PRSS36: variants seen among roughly 807,000 people sequenced by gnomAD.
PRSS36 encodes the protein polyserase-2.
PRSS36 carries 90 observed loss-of-function variants against 94.3 expected under a neutral mutation model. That is an observed-to-expected ratio of 0.95 (90% confidence interval 0.80 to 1.14). PRSS36 has a LOEUF of 1.14. Ranked by LOEUF, PRSS36 falls within the 50% of genes most tolerant of loss-of-function variation. The pLI, the probability that PRSS36 is intolerant of heterozygous loss-of-function variation, is 0.00. For synonymous variants in PRSS36, 500 were observed against 489.6 expected, an observed-to-expected ratio of 1.02 and a Z score of -0.28; for missense variants, 1,158 against 1,135.0, an observed-to-expected ratio of 1.02 and a Z score of -0.29.
rs200801095 is a variant in PRSS36 at position 31,140,435 on chromosome 16, T to C, written c.2168-20A>G. ...CAGGGACTGGGGAGAGGAGACAAAGTTGTTCCAGGGCTCTGGCCTCCAGCT... is the reference window on the plus strand; with the variant it reads ...CAGGGACTGGGGAGAGGAGACAAAGCTGTTCCAGGGCTCTGGCCTCCAGCT... On this transcript the variant is annotated intron_variant, in intron 13 of 14. Transcript: ENST00000268281. 1.2e-5 allele frequency: 20 copies of C among 1,611,294 alleles called. No individual in the cohort carries two copies. The highest frequency in any genetic ancestry group is 1.7e-5 in the Admixed American group (1 of 59,698).
rs758495456 is a variant in PRSS36 at position 31,140,358 on chromosome 16, T to C, written c.2225A>G (p.Gln742Arg). The C allele has an allele frequency of 6.2e-6, 10 of 1,614,070 alleles. No individual in the cohort carries two copies. The South Asian group carries it at 9.9e-5, about 16-fold the overall frequency. ...GAGGGTTCCAGGGGGCAGGATGCCC[T>C]GATAGAGGCAGTCACAGATTCGTTG... ...LTQRICDCLY[Q>R]GILPPGTLCV... The change falls in exon 14 of 15, where the codon CAG (glutamine) becomes CGG (arginine). Residue 742 changes from glutamine to arginine, a missense_variant. Coordinates refer to ENST00000268281, the MANE Select transcript of PRSS36 (RefSeq NM_173502.5).
rs2057868368 is a variant in PRSS36, at chr16:31,149,735, G to C, written c.38-4C>G. 6.2e-7 allele frequency: 1 copy of C among 1,614,044 alleles called. No homozygotes were observed. ...GCTCCTGGGATGGGACTGATGACTG[G>C]AAAGACAGAGGTAGGCAGGAAGAGG... On this transcript the variant is annotated splice_region_variant and splice_polypyrimidine_tract_variant and intron_variant, in intron 1 of 14. Coordinates refer to ENST00000268281, the MANE Select transcript of PRSS36 (RefSeq NM_173502.5).
intron 3 of PRSS36, 57 bp from the exon 4 acceptor site, chr16:31,149,292 C>T: frequency 6.6e-7 from 1 of 1,517,324 alleles, no homozygotes; most frequent in Non-Finnish European, 8.9e-7. Flanking sequence ...CTCCAGAAGC[C>T]CAGGTAACTC....
rs2057856451 is a variant in PRSS36, at chr16:31,149,175, G to T, written c.170C>A (p.Thr57Asn). The change falls in exon 4 of 15, where the codon ACC becomes AAC. Residue 57 changes from threonine (T) to asparagine (N), a missense_variant. Thr to Asn is a moderately conservative substitution (Grantham distance 65). Coordinates refer to ENST00000268281, the MANE Select transcript of PRSS36 (RefSeq NM_173502.5). ...IVGGSNAQPG[T>N]WPWQVSLHHG... is the part of the protein sequence containing the mutation. The stretch of plus-strand genomic sequence containing the variant: ...GTGCAGGCTCACTTGCCAAGGCCAG[G>T]TGCCCGGCTGCGCGTTTGAGCCCCC... The T allele has an allele frequency of 1.3e-6, 2 of 1,573,460 alleles. No homozygotes were observed. The highest frequency in any genetic ancestry group is 1.7e-6 in the Non-Finnish European group (2 of 1,160,434).
chr16:31,139,187 G>A lies in PRSS36; in HGVS notation c.2519C>T (p.Pro840Leu), dbSNP rs762110153. The A allele has an allele frequency of 1.1e-4, 184 of 1,604,866 alleles. 1 individual carries two copies. The Admixed American group carries it at 2.8e-3, about 24-fold the overall frequency. ...CAGGAGCAGGAAGTAGACTGCATGCGGGGATCCCGAGGCCTTGGCCAGTTC... is the reference window on the plus strand; with the variant it reads ...CAGGAGCAGGAAGTAGACTGCATGCAGGGATCCCGAGGCCTTGGCCAGTTC... ...PPELAKASGSPHAVYFLLLLT... is the reference protein window; with the variant it reads ...PPELAKASGSLHAVYFLLLLT... The change falls in exon 15 of 15, where the codon CCG (proline) becomes CTG (leucine). Residue 840 changes from proline to leucine, a missense_variant. By Grantham distance (98) the Pro-to-Leu change is moderately conservative. Transcript: ENST00000268281.
rs767872131 is a variant in PRSS36 at position 31,149,695 on chromosome 16, C to T, written c.73+1G>A. 6.2e-7 allele frequency: 1 copy of T among 1,614,196 alleles called. No homozygotes were observed. Among genetic ancestry groups the T allele is most frequent in the East Asian group, 2.2e-5 (1 of 44,888 alleles). ...ACTTTCCCCCAGTCCGGCTACCTTA[C>T]CTGAGTCCTGGAAGGCTCCTGGGAT... On this transcript the variant is annotated splice_donor_variant, in intron 2 of 14. Coordinates refer to ENST00000268281, the MANE Select transcript of PRSS36 (RefSeq NM_173502.5). LOFTEE classifies it high-confidence loss of function.
At chr16:31,146,428 T>C (rs1480830242) in intron 5 of PRSS36, among the ~76,000 whole-genome samples, 1 of 152,170 alleles carries the variant, frequency 6.6e-6, no homozygotes, top group African/African-American at 2.4e-5. Context: ...GTCTTGGCAT[T>C]CTAAACAACT....
At chr16:31,144,284 C>T (rs931633963) in intron 6 of PRSS36, among the ~76,000 whole-genome samples, 3 of 152,188 alleles carry the variant, frequency 2.0e-5, no homozygotes, top group African/African-American at 4.8e-5. Flanking sequence ...AAGTGATTCT[C>T]CTGCCTCAGC....
chr16:31,149,744 A>T lies in PRSS36; in HGVS notation c.38-13T>A, dbSNP rs1256705488. The T allele has an allele frequency of 6.2e-7, 1 of 1,614,060 alleles. No individual in the cohort carries two copies. Among genetic ancestry groups the T allele is most frequent in the Non-Finnish European group, 8.5e-7 (1 of 1,180,030 alleles). On this transcript the variant is annotated splice_polypyrimidine_tract_variant and intron_variant, in intron 1 of 14. Transcript: ENST00000268281. ...ATGGGACTGATGACTGGAAAGACAG[A>T]GGTAGGCAGGAAGAGGCTGGCGACT...
chr16:31,143,653 TG>T lies in PRSS36; in HGVS notation c.904del (p.Gln302SerfsTer39), dbSNP rs779927141. ...GSEPGPAFPT[Q>X]PQKTQSDPQE... ...GGGATCTGACTGGGTCTTCTGGGGC[TG>T]GGTGGGAAAGGCAGGCCCAGGCTCT... On this transcript the variant is annotated frameshift_variant, in exon 7 of 15. Transcript: ENST00000268281. LOFTEE classifies it high-confidence loss of function. 1 of 1,614,206 alleles carries T rather than the reference TG, an allele frequency of 6.2e-7. No individual in the cohort carries two copies. The highest frequency in any genetic ancestry group is 8.5e-7 in the Non-Finnish European group (1 of 1,180,040).
rs544876040 is a variant in PRSS36 at position 31,146,066 on chromosome 16, A to G, written c.554-111T>C. The G allele has an allele frequency of 4.5e-5, 43 of 964,762 alleles. No homozygotes were observed. In the African/African-American group the frequency reaches 5.2e-4, roughly 12 times the overall value. 59.8% of individuals were successfully genotyped at this position (964,762 alleles called of 1,614,324 possible). ...TTCTTGGACATCAGCTAGATGCCCC[A>G]TGGCCTCTCAGCCCACCACATTCAC... On this transcript the variant is annotated intron_variant, in intron 5 of 14. Transcript: ENST00000268281.
intron 6 of PRSS36, 66 bp from the exon 7 acceptor site, chr16:31,143,903 C>G: frequency 6.3e-7 from 1 of 1,591,146 alleles, no homozygotes; most frequent in Non-Finnish European, 8.5e-7. Context: ...TCCTGCACCT[C>G]CTTTTGGCCC....
At chr16:31,139,525 C>T in intron 14 of PRSS36, 109 bp from the exon 15 acceptor site, 1 of 1,316,378 alleles carries the variant, frequency 7.6e-7, no homozygotes, top group Non-Finnish European at 1.0e-6. Context: ...CCCTAGACAT[C>T]CAGGTCCCTG....
Position 31,142,842 on chromosome 16 carries a change from T to A in PRSS36, c.1252A>T (p.Thr418Ser), listed in dbSNP as rs1285642509. 2 of 1,555,432 alleles carry A rather than the reference T, an allele frequency of 1.3e-6. No individual in the cohort carries two copies. Among genetic ancestry groups the A allele is most frequent in the South Asian group, 2.4e-5 (2 of 84,064 alleles). Residue 418 changes from threonine (T) to serine (S), a missense_variant, in exon 9 of 15, where the codon ACG (threonine) becomes TCG (serine). Physicochemically the swap from Thr to Ser is moderately conservative, Grantham distance 58 (BLOSUM62 1). Transcript: ENST00000268281. ...ASDLALLQLR[T>S]PVNLSAASRP... is the part of the protein sequence containing the mutation. ...GAAGCCGCGCTCAGGTTCACGGGCG[T>A]GCGCAGCTGCAGCAGCGCCAGGTCC...
chr16:31,141,668 G>A (rs567100727), intron 11 of PRSS36, 55 bp downstream of exon 11: 7 of 1,608,164 alleles, frequency 4.4e-6, no homozygotes, highest in Admixed American at 1.7e-5. Flanking sequence ...CTGAGCCCCT[G>A]CCATGGGTCT....
intron 6 of PRSS36, among the ~76,000 whole-genome samples, chr16:31,145,213 C>CA (rs899857965): frequency 4.0e-4 from 58 of 144,448 alleles, no homozygotes; most frequent in Admixed American, 2.3e-3. Flanking sequence ...ACTAAAAATA[C>CA]AAAAAAAAAA....
intron 12 of PRSS36, 114 bp downstream of exon 12, chr16:31,141,355 G>A: frequency 7.4e-7 from 1 of 1,358,874 alleles, no homozygotes; most frequent in Non-Finnish European, 9.9e-7. Context: ...AACACAGCAA[G>A]ATCTCATTGT....
chr16:31,144,712 C>G lies in PRSS36; in HGVS notation c.721-875G>C, dbSNP rs553412667. ...GGGTGAGCCAGGAGAATTGCTTGAA[C>G]CCGAGAGGTGGAGTTTGCAGTGAGC... On this transcript the variant is annotated intron_variant, in intron 6 of 14. Coordinates refer to ENST00000268281, the MANE Select transcript of PRSS36 (RefSeq NM_173502.5). Among the ~76,000 whole-genome samples the G allele has an allele frequency of 2.6e-5, 4 of 151,844 alleles. No individual in the cohort carries two copies. In the East Asian group the frequency reaches 7.8e-4, roughly 30 times the overall value.
chr16:31,141,800 T>C lies in PRSS36; in HGVS notation c.1682A>G (p.Asp561Gly), dbSNP rs768512815. 1 of 1,614,104 alleles carries C rather than the reference T, an allele frequency of 6.2e-7. No homozygotes were observed. The highest frequency in any genetic ancestry group is 8.5e-7 in the Non-Finnish European group (1 of 1,180,014). ...AGGGCCCCAATCCCAGGCTAGCTGG[T>C]CCTCCAGGTAGGCTCCCCGAGTCAC... The part of the protein sequence containing the change: ...SHVTRGAYLE[D>G]QLAWDWGPDG... Residue 561 changes from aspartate to glycine, a missense_variant, in exon 11 of 15, where the codon GAC (aspartate) becomes GGC (glycine). Asp to Gly is a moderately conservative substitution (Grantham distance 94, BLOSUM62 -1). Coordinates refer to ENST00000268281, the MANE Select transcript of PRSS36 (RefSeq NM_173502.5).
Sources: allele counts gnomAD v4.1 joint callset (sites outside exome capture counted in the v4.1 genomes callset), GRCh38; gene constraint gnomAD v4.1.1; transcripts MANE v1.5; gene names NCBI Gene and HGNC (gene_info 2026-07-23, HGNC 2026-07-21).